Variants in LENG8 observed in about 807,000 individuals in gnomAD.
LENG8 encodes the protein leukocyte receptor cluster (LRC) member 8.
A neutral mutation model predicts 102.1 loss-of-function variants in LENG8; 28 were observed. That is an observed-to-expected ratio of 0.27 (90% CI 0.20 to 0.38). LENG8 has a LOEUF of 0.38. Ranked by LOEUF, LENG8 falls within the 10% of genes least tolerant of loss-of-function variation. The pLI is 1.00. For synonymous variants in LENG8, 531 were observed against 456.7 expected, an observed-to-expected ratio of 1.16 and a Z score of -2.07; for missense variants, 1,022 against 1,113.9, an observed-to-expected ratio of 0.92 and a Z score of 1.17.
chr19:54,454,666 G>A lies in LENG8; in HGVS notation c.663G>A (p.Leu221=), dbSNP rs745558641. 2.5e-6 allele frequency: 4 copies of A among 1,600,160 alleles called. No homozygotes were observed. In the Admixed American group the frequency reaches 5.0e-5, roughly 20 times the overall value. ...EPAKPKKGQQ[L]WNRMKPAPGT... ...CCAAGCCCAAGAAGGGCCAACAGCTGTGGAACCGCATGAAACGTAAGTTGG... is the reference window on the plus strand; with the variant it reads ...CCAAGCCCAAGAAGGGCCAACAGCTATGGAACCGCATGAAACGTAAGTTGG... The change falls in exon 6 of 16, where the codon CTG becomes CTA. Residue 221 remains leucine, a synonymous_variant. Coordinates refer to ENST00000326764, the MANE Select transcript of LENG8 (RefSeq NM_052925.4).
chr19:54,452,726 T>C lies in LENG8; in HGVS notation c.289T>C (p.Tyr97His). 1 of 1,613,590 alleles carries C rather than the reference T, an allele frequency of 6.2e-7. No homozygotes were observed. The highest frequency in any genetic ancestry group is 8.5e-7 in the Non-Finnish European group (1 of 1,179,500). Residue 97 changes from tyrosine to histidine, a missense_variant, in exon 4 of 16, where the codon TAC (tyrosine) becomes CAC (histidine). Coordinates refer to ENST00000326764, the MANE Select transcript of LENG8 (RefSeq NM_052925.4). ...GTGGTACCAGCAGTACAACTATGCCTACCCCTACAGCTACTACTATCCCAT... is the reference window on the plus strand; with the variant it reads ...GTGGTACCAGCAGTACAACTATGCCCACCCCTACAGCTACTACTATCCCAT... ...YQWYQQYNYA[Y>H]PYSYYYPMSM...
chr19:54,461,578 GTC>G lies in LENG8; in HGVS notation c.*653_*654del. On this transcript the variant is annotated 3_prime_UTR_variant, in exon 16 of 16. Coordinates refer to ENST00000326764, the MANE Select transcript of LENG8 (RefSeq NM_052925.4). ...GCCTCGTCTCAAGTTGTATAAAGTT[GTC>G]TCCGTGTCCCCTCCTCCCTCTGCCC... 2.1e-6 allele frequency: 1 copy of G among 472,522 alleles called. No individual in the cohort carries two copies. Among genetic ancestry groups the G allele is most frequent in the South Asian group, 1.5e-5 (1 of 64,562 alleles). 29.3% of individuals were successfully genotyped at this position (472,522 alleles called of 1,614,324 possible). A position where few individuals can be genotyped will look rare whatever the true frequency, so the allele number is the denominator to read the frequency against.
At position 54,461,017 on chromosome 19, in the gene LENG8, A is replaced by C; in HGVS notation, c.*89A>C. On this transcript the variant is annotated 3_prime_UTR_variant, in exon 16 of 16. Transcript: ENST00000326764. ...TTTTTGAGCCGTGGACTTGGGTTGTAAATTTATTTGTGGGGAGTGCGCTCC... is the reference window on the plus strand; with the variant it reads ...TTTTTGAGCCGTGGACTTGGGTTGTCAATTTATTTGTGGGGAGTGCGCTCC... The C allele has an allele frequency of 2.0e-6, 3 of 1,527,566 alleles. No homozygotes were observed. The highest frequency in any genetic ancestry group is 2.5e-5 in the East Asian group (1 of 40,774). The allele number at this position is 1,527,566 out of a possible 1,614,324, so 94.6% of individuals were successfully genotyped here. A position where few individuals can be genotyped will look rare whatever the true frequency, so the allele number is the denominator to read the frequency against.
chr19:54,452,078 C>T lies in LENG8; in HGVS notation c.39-15C>T. Reference sequence around the variant, plus strand: ...GGGGAGAACAGGTGTGACTTGATGTCCTCTCTCTCTGCAGGTCTTCTCAGT... The same window carrying T: ...GGGGAGAACAGGTGTGACTTGATGTTCTCTCTCTCTGCAGGTCTTCTCAGT... On this transcript the variant is annotated splice_polypyrimidine_tract_variant and intron_variant, in intron 2 of 15. Coordinates refer to ENST00000326764, the MANE Select transcript of LENG8 (RefSeq NM_052925.4). 5 of 1,599,714 alleles carry T rather than the reference C, an allele frequency of 3.1e-6. No individual in the cohort carries two copies. The highest frequency in any genetic ancestry group is 2.7e-5 in the African/African-American group (2 of 74,728).
chr19:54,458,683 T>G, intron 15 of LENG8, 162 bp downstream of exon 15: 2 of 1,551,546 alleles, frequency 1.3e-6, no homozygotes, highest in Non-Finnish European at 1.7e-6. Flanking sequence ...CCCTCTCCAG[T>G]TCCTCTTGCT....
At chr19:54,452,299 G>T in intron 3 of LENG8, 32 bp downstream of exon 3, 1 of 1,569,830 alleles carries the variant, frequency 6.4e-7, no homozygotes, top group South Asian at 1.1e-5. Context: ...GGGGTACCCT[G>T]AGCCAGAGGT....
rs535953889 is a variant in LENG8, at chr19:54,452,641, G to T, written c.214-10G>T. The T allele has an allele frequency of 3.4e-6, 5 of 1,453,702 alleles. No homozygotes were observed. The South Asian group carries it at 5.8e-5, about 17-fold the overall frequency. 90.1% of individuals were successfully genotyped at this position (1,453,702 alleles called of 1,614,324 possible). ...GGCTGCTGACGGCACATGTGCCTCT[G>T]CTTCCACAGTACGTGTCCCAGGCAG... On this transcript the variant is annotated splice_polypyrimidine_tract_variant and intron_variant, in intron 3 of 15. Transcript: ENST00000326764.
At position 54,452,150 on chromosome 19, in the gene LENG8, G is replaced by T. The variant is rs768498554; in HGVS notation, c.96G>T (p.Pro32=). 2 of 1,614,130 alleles carry T rather than the reference G, an allele frequency of 1.2e-6. No individual in the cohort carries two copies. The highest frequency in any genetic ancestry group is 8.5e-7 in the Non-Finnish European group (1 of 1,180,004). ...GAGRENGMET[P]MHENPEWEKA... is the part of the protein sequence containing the mutation. ...GCCGAGAGAATGGCATGGAGACGCC[G>T]ATGCACGAGAACCCGGAGTGGGAGA... The change falls in exon 3 of 16, where the codon CCG becomes CCT. Residue 32 remains proline (P), a synonymous_variant. Transcript: ENST00000326764.
rs372928202 is a variant in LENG8 at position 54,458,501 on chromosome 19, C to T, written c.2220C>T (p.Ala740=). 2 of 1,614,138 alleles carry T rather than the reference C, an allele frequency of 1.2e-6. No homozygotes were observed. Among genetic ancestry groups the T allele is most frequent in the East Asian group, 2.2e-5 (1 of 44,886 alleles). ...DKFADRERKV[A]LKAMIKTFRP... is the part of the protein sequence containing the mutation. ...TTGCAGATCGGGAGCGCAAGGTCGC[C>T]CTCAAGGCCATGATCAAAACGTATG... Residue 740 remains alanine, a synonymous_variant, in exon 15 of 16, where the codon GCC becomes GCT. Coordinates refer to ENST00000326764, the MANE Select transcript of LENG8 (RefSeq NM_052925.4).
chr19:54,455,914 G>C, intron 8 of LENG8, 53 bp from the exon 9 acceptor site: 2 of 1,560,414 alleles, frequency 1.3e-6, no homozygotes, highest in Non-Finnish European at 1.7e-6. Flanking sequence ...GGTGGCGGCT[G>C]TCCTGCCAGT....
At chr19:54,453,517 C>A (rs1298799515) in intron 4 of LENG8, 29 bp from the exon 5 acceptor site, 8 of 1,539,512 alleles carry the variant, frequency 5.2e-6, no homozygotes, top group Non-Finnish European at 5.4e-6. Context: ...AGGCCTCCCA[C>A]TAAACCCTCC....
At position 54,458,318 on chromosome 19, in the gene LENG8, C is replaced by T. The variant is rs1411872300; in HGVS notation, c.2037C>T (p.Ile679=). The T allele has an allele frequency of 1.9e-6, 3 of 1,613,466 alleles. No individual in the cohort carries two copies. The highest frequency in any genetic ancestry group is 2.2e-5 in the South Asian group (2 of 91,042). The part of the protein sequence containing the change: ...YYIFTKNSGD[I]TTELAYLTRE... ...CCCTCTTTGTCTTGGTGCTAGACAT[C>T]ACCACGGAGCTGGCATACCTCACAC... Residue 679 remains isoleucine (I), a synonymous_variant, in exon 15 of 16, where the codon ATC becomes ATT. Transcript: ENST00000326764.
In LENG8 at chr19:54,454,938, G is replaced by C. The variant is rs1199106167; in HGVS notation, c.680-13G>C. Reference sequence around the variant, plus strand: ...GGGGAAGGGCCTAACCATAGCTTTCGCTGCCCTCACAGCCGCCCCTGGGAC... The same window carrying C: ...GGGGAAGGGCCTAACCATAGCTTTCCCTGCCCTCACAGCCGCCCCTGGGAC... On this transcript the variant is annotated splice_polypyrimidine_tract_variant and intron_variant, in intron 6 of 15. Transcript: ENST00000326764. 1 of 1,613,956 alleles carries C rather than the reference G, an allele frequency of 6.2e-7. No homozygotes were observed. Among genetic ancestry groups the C allele is most frequent in the African/African-American group, 1.3e-5 (1 of 74,912 alleles).
At position 54,461,708 on chromosome 19, in the gene LENG8, C is replaced by CGG. The variant is rs1341934997; in HGVS notation, c.*780_*781insGG. On this transcript the variant is annotated 3_prime_UTR_variant, in exon 16 of 16. Coordinates refer to ENST00000326764, the MANE Select transcript of LENG8 (RefSeq NM_052925.4). Reference sequence around the variant, plus strand: ...AACGGTTCCCCTCCCTCCCTGCCTTCATGGATCACCAGCTCACGTCATGTT... The same window carrying CGG: ...AACGGTTCCCCTCCCTCCCTGCCTTCGGATGGATCACCAGCTCACGTCATGTT... 6.1e-6 allele frequency: 3 copies of CGG among 493,118 alleles called. No homozygotes were observed. The highest frequency in any genetic ancestry group is 1.2e-5 in the Non-Finnish European group (3 of 242,638). The allele number at this position is 493,118 out of a possible 1,614,324, so 30.5% of individuals were successfully genotyped here. A position where few individuals can be genotyped will look rare whatever the true frequency, so the allele number is the denominator to read the frequency against.
At chr19:54,455,123 C>A in intron 7 of LENG8, 31 bp downstream of exon 7, 1 of 1,613,634 alleles carries the variant, frequency 6.2e-7, no homozygotes, top group East Asian at 2.2e-5. Context: ...CCGTCGCAGC[C>A]CCACACTCTG....
rs2075531781 is a variant in LENG8, at chr19:54,451,315, G to A, written c.-30G>A. On this transcript the variant is annotated 5_prime_UTR_variant, in exon 2 of 16. Transcript: ENST00000326764. ...ACAGTGAAAAAGCAGTCTGGCTCCC[G>A]AGGTCCACCCCTTATACCCCAAGGT... The A allele has an allele frequency of 2.5e-6, 4 of 1,613,660 alleles. No homozygotes were observed. Among genetic ancestry groups the A allele is most frequent in the Non-Finnish European group, 3.4e-6 (4 of 1,179,728 alleles).
In LENG8 at chr19:54,456,696, C is replaced by G. The variant is rs762874633; in HGVS notation, c.1506C>G (p.Asp502Glu). The G allele has an allele frequency of 2.5e-6, 4 of 1,613,252 alleles. No homozygotes were observed. Among genetic ancestry groups the G allele is most frequent in the Non-Finnish European group, 3.4e-6 (4 of 1,179,798 alleles). ...AGATGGCGGCGCTGGAGTGTGAGGA[C>G]CCGGAGCGAGAGCTGAAGAAGCAGA... ...RKKMAALECE[D>E]PERELKKQKR... The change falls in exon 11 of 16, where the codon GAC (aspartate) becomes GAG (glutamate). Residue 502 changes from aspartate (D) to glutamate (E), a missense_variant. Asp to Glu is a conservative substitution (Grantham distance 45). This residue lies in a region of LENG8 where 326 missense variants were observed against 324.5 expected (regional missense o/e 1.00). Transcript: ENST00000326764.
chr19:54,459,725 G>T, intron 15 of LENG8: 1 of 1,059,278 alleles, frequency 9.4e-7, no homozygotes, highest in Non-Finnish European at 1.1e-6. Context: ...CTGGAATCTA[G>T]TGTGGGTCAA....
rs546429614 is a variant in LENG8, at chr19:54,455,481, G to A, written c.939G>A (p.Thr313=). 1.9e-5 allele frequency: 30 copies of A among 1,614,164 alleles called. No homozygotes were observed. The highest frequency in any genetic ancestry group is 1.7e-4 in the African/African-American group (13 of 75,056). Residue 313 remains threonine, a synonymous_variant, in exon 8 of 16, where the codon ACG becomes ACA. Coordinates refer to ENST00000326764, the MANE Select transcript of LENG8 (RefSeq NM_052925.4). The part of the protein sequence containing the change: ...ACESEEDKDR[T]EKLLKEVLQA... ...AGTCGGAGGAGGACAAGGACCGCAC[G>A]GAAAAGCTGCTCAAGGAGGTGCTGC...
Sources: allele counts gnomAD v4.1 joint callset, GRCh38; gene constraint gnomAD v4.1.1; regional missense constraint gnomAD v4.1.1; transcripts MANE v1.5; gene names NCBI Gene and HGNC (gene_info 2026-07-23, HGNC 2026-07-21).